CHAF1A: variants seen among roughly 807,000 people sequenced by gnomAD.
CHAF1A encodes CAF-1 subunit A.
In CHAF1A, 5 loss-of-function variants were observed where a neutral mutation model predicts 93.2. The ratio of observed to expected loss-of-function variants is 0.05; its 90% CI spans 0.03 to 0.11. The LOEUF is 0.11. Ranked by LOEUF, CHAF1A falls within the 10% of genes least tolerant of loss-of-function variation. The pLI, the probability that CHAF1A is intolerant of heterozygous loss-of-function variation, is 1.00. For synonymous variants in CHAF1A, 504 were observed against 510.3 expected (o/e 0.99, Z 0.17); for missense variants, 1,102 against 1,259.9 (o/e 0.87, Z 1.90).
chr19:4,442,994 C>A lies in CHAF1A; in HGVS notation c.2840C>A (p.Thr947Asn). Residue 947 changes from threonine (T) to asparagine (N), a missense_variant, in exon 15 of 15, where the codon ACC becomes AAC. This residue lies in a region of CHAF1A where 119 missense variants were observed against 102.2 expected (regional missense o/e 1.16). Transcript: ENST00000301280. ...GGVGVDTGKATLTASPLGAS is the reference protein window; with the variant it reads ...GGVGVDTGKANLTASPLGAS Reference sequence around the variant, plus strand: ...GTGGGGGTGGACACCGGCAAGGCCACCCTGACCGCGAGCCCACTGGGTGCA... The same window carrying A: ...GTGGGGGTGGACACCGGCAAGGCCAACCTGACCGCGAGCCCACTGGGTGCA... The A allele has an allele frequency of 6.2e-7, 1 of 1,600,326 alleles. No homozygotes were observed.
intron 1 of CHAF1A, 77 bp from the exon 2 acceptor site, chr19:4,405,835 T>C: frequency 1.6e-6 from 2 of 1,286,512 alleles, no homozygotes; most frequent in East Asian, 2.3e-5. Context: ...TTGTACATAA[T>C]TGGCTCTACA....
At chr19:4,433,000 T>G in intron 12 of CHAF1A, 70 bp from the exon 13 acceptor site, 1 of 1,260,920 alleles carries the variant, frequency 7.9e-7, no homozygotes, top group Non-Finnish European at 1.1e-6. Flanking sequence ...TGTGTATGTG[T>G]TTTGTTTTTT....
Position 4,420,668 on chromosome 19 carries a change from G to A in CHAF1A, c.1018-1898G>A, listed in dbSNP as rs146030522. ...TAAAGAATTTGAAACAAGGCTGGGC[G>A]TAGTGGCTCGCCCCCATAATCCCAC... On this transcript the variant is annotated intron_variant, in intron 4 of 14. Coordinates refer to ENST00000301280, the MANE Select transcript of CHAF1A (RefSeq NM_005483.3). Among the ~76,000 whole-genome samples the A allele has an allele frequency of 1.2e-3, 189 of 152,350 alleles. 1 individual carries two copies. Among genetic ancestry groups the A allele is most frequent in the African/African-American group, 4.2e-3 (174 of 41,586 alleles).
downstream of CHAF1A, chr19:4,448,278 G>C (rs199967454): frequency 3.5e-4 from 535 of 1,540,502 alleles, no homozygotes; most frequent in African/African-American, 6.7e-3. Context: ...GCTGGGATGA[G>C]CTGGAGGGGC....
downstream of CHAF1A, chr19:4,445,507 C>A (rs1230563945): frequency 6.2e-7 from 1 of 1,613,940 alleles, no homozygotes; most frequent in Non-Finnish European, 8.5e-7. Context: ...TTCACAAGAG[C>A]TTCTCGATGG....
At chr19:4,447,797 C>T (rs1050033403), downstream of CHAF1A, 20 of 653,418 alleles carry the variant, frequency 3.1e-5, no homozygotes, top group South Asian at 8.5e-5. Context: ...AGGCACACCT[C>T]GGACACCCCA....
chr19:4,442,407 GAAGGGAT>G (rs1380060829), intron 14 of CHAF1A, 66 bp downstream of exon 14: 1 of 1,315,246 alleles, frequency 7.6e-7, no homozygotes. Flanking sequence ...CCTCAACAGA[GAAGGGAT>G]GGGGCTGCCT....
rs140478541 is a variant in CHAF1A, at chr19:4,442,984, G to A, written c.2830G>A (p.Gly944Ser). 60 of 1,603,488 alleles carry A rather than the reference G, an allele frequency of 3.7e-5. No homozygotes were observed. Among genetic ancestry groups the A allele is most frequent in the African/African-American group, 6.7e-5 (5 of 74,846 alleles). ...GAGGGVGVDT[G>S]KATLTASPLG... ...TGGGGGTGGTGTGGGGGTGGACACC[G>A]GCAAGGCCACCCTGACCGCGAGCCC... The change falls in exon 15 of 15, where the codon GGC (glycine) becomes AGC (serine). Residue 944 changes from glycine (G) to serine (S), a missense_variant. This residue lies in a region of CHAF1A where 119 missense variants were observed against 102.2 expected (regional missense o/e 1.16). Coordinates refer to ENST00000301280, the MANE Select transcript of CHAF1A (RefSeq NM_005483.3).
chr19:4,402,916 G>C (rs926775001), intron 1 of CHAF1A, 102 bp downstream of exon 1: 5 of 699,204 alleles, frequency 7.2e-6, no homozygotes, highest in Non-Finnish European at 7.8e-6. Context: ...CGCCAAGCCT[G>C]GTCCTGCGGG....
chr19:4,404,817 A>G (rs1393691340), intron 1 of CHAF1A, among the ~76,000 whole-genome samples: 1 of 122,374 alleles, frequency 8.2e-6, no homozygotes, highest in Non-Finnish European at 1.7e-5. Flanking sequence ...ATTTATGATC[A>G]CTGCTGCATC....
intron 3 of CHAF1A, among the ~76,000 whole-genome samples, chr19:4,413,096 G>C (rs376937987): frequency 1.5e-4 from 23 of 151,386 alleles, no homozygotes; most frequent in Non-Finnish European, 3.2e-4. Flanking sequence ...TTTTTGAGGC[G>C]GAATCTCACT....
At chr19:4,447,861 C>A, downstream of CHAF1A, 1 of 561,056 alleles carries the variant, frequency 1.8e-6, no homozygotes, top group Non-Finnish European at 3.2e-6. Flanking sequence ...CACCGTCCCA[C>A]CAGCCCTGGA....
In CHAF1A at chr19:4,442,266, G is replaced by A. The variant is rs765732954; in HGVS notation, c.2695G>A (p.Gly899Ser). 9 of 1,613,860 alleles carry A rather than the reference G, an allele frequency of 5.6e-6. No homozygotes were observed. The highest frequency in any genetic ancestry group is 1.3e-5 in the African/African-American group (1 of 74,932). ...CCAGATTGGTGCTGAAGACATGGACGGCTTCCAGGCAGACACGGAGGAGGA... is the reference window on the plus strand; with the variant it reads ...CCAGATTGGTGCTGAAGACATGGACAGCTTCCAGGCAGACACGGAGGAGGA... ...DGQIGAEDMD[G>S]FQADTEEEEE... Residue 899 changes from glycine (G) to serine (S), a missense_variant, in exon 14 of 15, where the codon GGC becomes AGC. By Grantham distance (56) the Gly-to-Ser change is moderately conservative. Transcript: ENST00000301280.
downstream of CHAF1A, chr19:4,448,684 A>C (rs1377605122): frequency 7.9e-6 from 4 of 504,426 alleles, no homozygotes; most frequent in Non-Finnish European, 1.4e-5. Flanking sequence ...CTTGGAAGCC[A>C]GTGTGACGCG....
chr19:4,447,979 G>T, downstream of CHAF1A: 2 of 501,794 alleles, frequency 4.0e-6, no homozygotes, highest in South Asian at 4.5e-5. Flanking sequence ...GTGCTCCCTC[G>T]GCGTTGGCGG....
At chr19:4,430,869 G>A (rs1974169672) in intron 11 of CHAF1A, 1 of 538,924 alleles carries the variant, frequency 1.9e-6, no homozygotes, top group Non-Finnish European at 3.4e-6. Context: ...AGCCATAGGA[G>A]CAGACACCCT....
At chr19:4,446,220 C>A, downstream of CHAF1A, 1 of 1,584,998 alleles carries the variant, frequency 6.3e-7, no homozygotes, top group Non-Finnish European at 8.6e-7. Flanking sequence ...GGAGTCAGAG[C>A]GGGTGGGGCC....
chr19:4,445,891 T>G (rs180886926), downstream of CHAF1A: 308 of 1,274,110 alleles, frequency 2.4e-4, 1 homozygote, highest in East Asian at 6.4e-3. Context: ...CTCGAGGCCC[T>G]GCTGCCAGTA....
downstream of CHAF1A, among the ~76,000 whole-genome samples, chr19:4,444,085 T>C (rs1441485910): frequency 2.0e-5 from 3 of 152,136 alleles, no homozygotes; most frequent in African/African-American, 4.8e-5. Flanking sequence ...GCCACACCTT[T>C]GATGAGCTTT....
Sources: gnomAD v4.1 joint callset for allele counts (sites outside exome capture counted in the v4.1 genomes callset) on GRCh38, gnomAD v4.1.1 for gene constraint, gnomAD v4.1.1 regional missense constraint, MANE v1.5 for transcripts, NCBI Gene and HGNC (gene_info 2026-07-23, HGNC 2026-07-21) for gene names.